ISY1: variants seen among roughly 807,000 people sequenced by gnomAD.
The protein encoded by ISY1 is pre-mRNA-splicing factor ISY1 homolog.
A neutral mutation model predicts 54.4 loss-of-function variants in ISY1; 12 were observed. The observed-to-expected ratio is 0.22, with a 90% confidence interval of 0.14 to 0.36. The LOEUF (loss-of-function observed/expected upper bound fraction) is 0.36. Among genes scored for constraint, ISY1 ranks in the 10% least tolerant of loss-of-function variants. The pLI, the probability that ISY1 is intolerant of heterozygous loss-of-function variation, is 1.00. For synonymous variants in ISY1, 96 were observed against 117.9 expected (o/e 0.81, Z 1.20); for missense variants, 282 against 342.2 (o/e 0.82, Z 1.39).
At chr3:129,155,031 T>C (rs192187290) in intron 5 of ISY1, among the ~76,000 whole-genome samples, 33 of 151,894 alleles carry the variant, frequency 2.2e-4, no homozygotes, top group African/African-American at 8.0e-4. Flanking sequence ...GTCTGTTTTC[T>C]CTATTCATCT....
chr3:129,145,940 CTTAG>C (rs1235267413), intron 5 of ISY1, 67 bp from the exon 6 acceptor site: 6 of 1,467,972 alleles, frequency 4.1e-6, no homozygotes, highest in Non-Finnish European at 5.7e-6. Context: ...AACACGTACA[CTTAG>C]TATCATATCC....
intron 9 of ISY1, among the ~76,000 whole-genome samples, chr3:129,131,106 G>C (rs1434465778): frequency 6.6e-6 from 1 of 152,200 alleles, no homozygotes; most frequent in East Asian, 1.9e-4. Flanking sequence ...GTCTTGTGGC[G>C]AGTCAGGAGT....
chr3:129,153,299 G>A (rs900572812), intron 5 of ISY1, among the ~76,000 whole-genome samples: 4 of 152,188 alleles, frequency 2.6e-5, no homozygotes, highest in Non-Finnish European at 5.9e-5. Context: ...CGTGAGCCAC[G>A]GTGCACAGCC....
intron 1 of ISY1, 111 bp downstream of exon 1, chr3:129,160,861 GC>G: frequency 7.6e-7 from 1 of 1,318,000 alleles, no homozygotes; most frequent in Non-Finnish European, 1.1e-6. Context: ...GGAACTTGAA[GC>G]CCTCAGCACT....
chr3:129,145,153 A>C (rs759229050), intron 6 of ISY1, among the ~76,000 whole-genome samples: 7 of 151,844 alleles, frequency 4.6e-5, no homozygotes, highest in Non-Finnish European at 1.0e-4. Context: ...TCAAGGGCTT[A>C]TCCTGTCTCA....
At position 129,127,963 on chromosome 3, in the gene ISY1, A is replaced by C. The variant is rs1359143050; in HGVS notation, c.*2118T>G. On this transcript the variant is annotated 3_prime_UTR_variant, in exon 11 of 11. Transcript: ENST00000393295. ...CCCCTTGGAAGACAAACCCACAACC[A>C]GGCCTGTCTGAGGCCGGCCATCCGC... 1 of 152,316 alleles carries C rather than the reference A, an allele frequency of 6.6e-6. No individual in the cohort carries two copies. The highest frequency in any genetic ancestry group is 1.5e-5 in the Non-Finnish European group (1 of 68,150). 9.4% of individuals were successfully genotyped at this position (152,316 alleles called of 1,614,324 possible). A position where few individuals can be genotyped will look rare whatever the true frequency, so the allele number is the denominator to read the frequency against.
At chr3:129,136,984 T>G (rs1428087235) in intron 7 of ISY1, 3 of 152,048 alleles carry the variant, frequency 2.0e-5, no homozygotes, top group Admixed American at 2.0e-4. Context: ...AAGCTCCGCC[T>G]CCTGGGTTCA....
chr3:129,137,567 T>C (rs1210742779), intron 7 of ISY1, among the ~76,000 whole-genome samples: 1 of 152,042 alleles, frequency 6.6e-6, no homozygotes, highest in Non-Finnish European at 1.5e-5. Flanking sequence ...GCGAGGTGGC[T>C]CACTCCTGTA....
intron 10 of ISY1, 50 bp from the exon 11 acceptor site, chr3:129,130,238 C>A (rs1936198898): frequency 6.5e-7 from 1 of 1,531,570 alleles, no homozygotes; most frequent in Non-Finnish European, 8.7e-7. Context: ...GCCCCTCAAC[C>A]CCTGCCAGAC....
intron 1 of ISY1, among the ~76,000 whole-genome samples, chr3:129,160,013 G>A (rs1937257533): frequency 6.6e-6 from 1 of 152,062 alleles, no homozygotes; most frequent in Non-Finnish European, 1.5e-5. Context: ...CCTTCTCACA[G>A]AAACGGCTAC....
At chr3:129,158,394 A>G (rs1937208437) in intron 3 of ISY1, 114 bp downstream of exon 3, 1 of 1,441,618 alleles carries the variant, frequency 6.9e-7, no homozygotes, top group African/African-American at 1.4e-5. Context: ...CCTAGACTCA[A>G]GTGATCCACC....
At chr3:129,152,698 G>A (rs1430222994) in intron 5 of ISY1, among the ~76,000 whole-genome samples, 12 of 152,100 alleles carry the variant, frequency 7.9e-5, no homozygotes, top group Admixed American at 7.2e-4. Flanking sequence ...GAGCCACCGC[G>A]CCCGGCCATA....
chr3:129,135,475 A>G (rs867914040), intron 7 of ISY1, among the ~76,000 whole-genome samples: 6 of 152,048 alleles, frequency 3.9e-5, no homozygotes, highest in African/African-American at 1.2e-4. Flanking sequence ...TAAGTAAAAA[A>G]CAAAACCAGG....
chr3:129,145,029 T>C (rs979848336), intron 6 of ISY1, among the ~76,000 whole-genome samples: 2 of 152,028 alleles, frequency 1.3e-5, no homozygotes, highest in South Asian at 2.1e-4. Context: ...TCCCACCTCA[T>C]CCTTCTGAGC....
chr3:129,140,884 C>T (rs1936586263), intron 6 of ISY1, among the ~76,000 whole-genome samples: 1 of 150,410 alleles, frequency 6.6e-6, no homozygotes, highest in Non-Finnish European at 1.5e-5. Context: ...GATCTTTAAA[C>T]CCACTATTTC....
In ISY1 at chr3:129,156,501, G is replaced by C. The variant is rs1937146031; in HGVS notation, c.187+132C>G. Reference sequence around the variant, plus strand: ...CTACATCAAACTGACTGATCGTATTGATTGGCTCTTCTATGTCCTTACTGA... The same window carrying C: ...CTACATCAAACTGACTGATCGTATTCATTGGCTCTTCTATGTCCTTACTGA... On this transcript the variant is annotated intron_variant, in intron 5 of 10. Transcript: ENST00000393295. 5 of 843,356 alleles carry C rather than the reference G, an allele frequency of 5.9e-6. No individual in the cohort carries two copies. The East Asian group carries it at 1.3e-4, about 22-fold the overall frequency. 52.2% of individuals were successfully genotyped at this position (843,356 alleles called of 1,614,324 possible).
At chr3:129,158,666 G>A in intron 2 of ISY1, 107 bp from the exon 3 acceptor site, 3 of 1,413,026 alleles carry the variant, frequency 2.1e-6, no homozygotes, top group Non-Finnish European at 2.9e-6. Context: ...CATATTTAAT[G>A]TCATTCATAT....
rs1936206117 is a variant in ISY1, at chr3:129,130,487, G to A, written c.750+63C>T. 3.1e-6 allele frequency: 5 copies of A among 1,590,724 alleles called. No homozygotes were observed. In the Admixed American group the frequency reaches 8.7e-5, roughly 28 times the overall value. ...AAGGACAACGAAAACCCACTACAGT[G>A]CTCTGTGAAGTCTGCTTTAGAGAAG... On this transcript the variant is annotated intron_variant, in intron 10 of 10. Transcript: ENST00000393295.
At chr3:129,152,570 A>AT (rs954229507) in intron 5 of ISY1, among the ~76,000 whole-genome samples, 6 of 151,306 alleles carry the variant, frequency 4.0e-5, no homozygotes, top group Admixed American at 1.3e-4. Flanking sequence ...CGCCCGGCTA[A>AT]TTTTTTTGTA....
Sources: gnomAD v4.1 joint callset for allele counts (sites outside exome capture counted in the v4.1 genomes callset) on GRCh38, gnomAD v4.1.1 for gene constraint, MANE v1.5 for transcripts, NCBI Gene and HGNC (gene_info 2026-07-23, HGNC 2026-07-21) for gene names.